Variants in AMY2B observed in about 807,000 individuals in gnomAD.
AMY2B encodes amylase alpha 2B.
A neutral mutation model predicts 59.3 loss-of-function variants in AMY2B; 63 were observed. That is an observed-to-expected ratio of 1.06 (90% CI 0.87 to 1.31). AMY2B has a LOEUF of 1.31. Among genes scored for constraint, AMY2B ranks in the 50% most tolerant of loss-of-function variants. The probability of loss-of-function intolerance (pLI) is 0.00; values close to 1 mark genes in which losing one functional copy is unlikely to be tolerated. For synonymous variants in AMY2B, 180 were observed against 198.1 expected, an observed-to-expected ratio of 0.91 and a Z score of 0.77; for missense variants, 635 against 626.7, an observed-to-expected ratio of 1.01 and a Z score of -0.14.
intron 9 of AMY2B, among the ~76,000 whole-genome samples, chr1:103,578,274 T>C (rs556033532): frequency 2.7e-4 from 41 of 152,242 alleles, no homozygotes; most frequent in Non-Finnish European, 5.7e-4. Context: ...ATGACTGCTC[T>C]ATGTAGTTTT....
chr1:103,562,713 G>A (rs1212334206), intron 1 of AMY2B, among the ~76,000 whole-genome samples: 1 of 113,346 alleles, frequency 8.8e-6, no homozygotes, highest in East Asian at 2.7e-4. Flanking sequence ...TCATTTGCAT[G>A]TTAAAAAACT....
Position 103,573,744 on chromosome 1 carries a change from G to A in AMY2B, c.550G>A (p.Ala184Thr), listed in dbSNP as rs1174736412. 1.2e-6 allele frequency: 2 copies of A among 1,613,644 alleles called. No individual in the cohort carries two copies. Among genetic ancestry groups the A allele is most frequent in the African/African-American group, 1.3e-5 (1 of 74,898 alleles). ...DCRLVGLLDL[A>T]LEKDYVRSKI... ...TCGTCTGGTTGGTCTTCTTGATCTT[G>A]CACTGGAGAAAGATTATGTGCGTTC... is the stretch of plus-strand genomic sequence containing the variant. The change falls in exon 4 of 10, where the codon GCA becomes ACA. Residue 184 changes from alanine to threonine, a missense_variant. By Grantham distance (58) the Ala-to-Thr change is moderately conservative. Transcript: ENST00000684275.
chr1:103,574,375 A>G lies in AMY2B; in HGVS notation c.860A>G (p.Glu287Gly), dbSNP rs372593038. 1.2e-6 allele frequency: 2 copies of G among 1,611,690 alleles called. No homozygotes were observed. The highest frequency in any genetic ancestry group is 2.7e-5 in the African/African-American group (2 of 74,984). The change falls in exon 5 of 10, where the codon GAG becomes GGG. Residue 287 changes from glutamate (E) to glycine (G), a missense_variant. Transcript: ENST00000684275. The stretch of plus-strand genomic sequence containing the variant: ...ACAGTTATTCGCAAGTGGAATGGAG[A>G]GAAGATGTCTTACCTAAAGTAAATA... ...LGTVIRKWNGEKMSYLKNWGE... is the reference protein window; with the variant it reads ...LGTVIRKWNGGKMSYLKNWGE...
At chr1:103,563,287 G>A (rs1651796091) in intron 1 of AMY2B, among the ~76,000 whole-genome samples, 1 of 152,026 alleles carries the variant, frequency 6.6e-6, no homozygotes, top group African/African-American at 2.4e-5. Flanking sequence ...TTAGAGTAAA[G>A]GGAAGTTTTC....
chr1:103,567,820 C>T (rs1056460896), upstream of AMY2B, among the ~76,000 whole-genome samples: 1 of 152,144 alleles, frequency 6.6e-6, no homozygotes, highest in Non-Finnish European at 1.5e-5. Flanking sequence ...GTGCTCTAGC[C>T]ACACTGATTT....
At chr1:103,577,644 A>G in intron 8 of AMY2B, 36 bp downstream of exon 8, 1 of 1,611,920 alleles carries the variant, frequency 6.2e-7, no homozygotes, top group African/African-American at 1.3e-5. Context: ...CTCTAATAGT[A>G]AACTTTCCAT....
At chr1:103,576,487 T>G (rs1652359141) in intron 7 of AMY2B, among the ~76,000 whole-genome samples, 1 of 152,176 alleles carries the variant, frequency 6.6e-6, no homozygotes, top group Admixed American at 6.5e-5. Flanking sequence ...TTTCCAGGAC[T>G]GCTGCATGCT....
intron 7 of AMY2B, among the ~76,000 whole-genome samples, chr1:103,576,449 A>G (rs1652357306): frequency 6.6e-6 from 1 of 152,074 alleles, no homozygotes; most frequent in Admixed American, 6.6e-5. Context: ...GAGTATTTTT[A>G]TTTTTTCTAT....
At chr1:103,573,311 C>A (rs771352005) in intron 3 of AMY2B, 51 bp downstream of exon 3, 1 of 1,611,068 alleles carries the variant, frequency 6.2e-7, no homozygotes, top group Non-Finnish European at 8.5e-7. Flanking sequence ...TATGCCTTTT[C>A]TTGTAGACAT....
chr1:103,574,452 C>T, intron 5 of AMY2B, 59 bp downstream of exon 5: 5 of 1,605,896 alleles, frequency 3.1e-6, no homozygotes, highest in Non-Finnish European at 3.4e-6. Context: ...CATAGTACCC[C>T]AGTGTGAGTT....
chr1:103,569,396 T>TTGTGTGTGTGTGTGTGTG (rs58457409), upstream of AMY2B: 1 of 150,682 alleles, frequency 6.6e-6, no homozygotes, highest in South Asian at 1.8e-4. Context: ...TTATGTGGGT[T>TTGTGTGTGTGTGTGTGTG]TGTGTGTGTG....
chr1:103,579,004 A>G (rs949459675), intron 9 of AMY2B, among the ~76,000 whole-genome samples: 1 of 152,156 alleles, frequency 6.6e-6, no homozygotes, highest in African/African-American at 2.4e-5. Flanking sequence ...GTTGAGAACA[A>G]ATTTGATTTT....
chr1:103,577,666 TA>T (rs1652414645), intron 8 of AMY2B, 53 bp from the exon 9 acceptor site: 1 of 1,611,844 alleles, frequency 6.2e-7, no homozygotes, highest in Non-Finnish European at 8.5e-7. Context: ...GCATTTTATT[TA>T]AAACAGTTGA....
chr1:103,556,240 C>T (rs1651544187), intron 1 of AMY2B, among the ~76,000 whole-genome samples: 1 of 152,056 alleles, frequency 6.6e-6, no homozygotes, highest in Non-Finnish European at 1.5e-5. Flanking sequence ...TGTTTTTCTC[C>T]AGTTGAGTTC....
chr1:103,558,408 A>G (rs1460516585), intron 1 of AMY2B, among the ~76,000 whole-genome samples: 4 of 152,162 alleles, frequency 2.6e-5, no homozygotes, highest in Admixed American at 6.5e-5. Flanking sequence ...TCATATTTCC[A>G]TTAGGATGTA....
intron 1 of AMY2B, among the ~76,000 whole-genome samples, chr1:103,560,935 C>G (rs1183468522): frequency 6.6e-6 from 1 of 151,998 alleles, no homozygotes; most frequent in Non-Finnish European, 1.5e-5. Flanking sequence ...GAAATTCAGT[C>G]CCAACATGTA....
upstream of AMY2B, chr1:103,570,933 T>A (rs1450234367): frequency 3.1e-5 from 11 of 350,386 alleles, no homozygotes; most frequent in African/African-American, 8.6e-5. Flanking sequence ...ACATGTGGCT[T>A]GGTCACTTCA....
At chr1:103,571,829 C>G (rs1172630710) in intron 1 of AMY2B, 59 bp downstream of exon 1, 1 of 1,611,626 alleles carries the variant, frequency 6.2e-7, no homozygotes, top group Non-Finnish European at 8.5e-7. Flanking sequence ...AAATAGTATT[C>G]TGATCTTATC....
chr1:103,570,131 C>A (rs984654609), upstream of AMY2B: 1 of 445,828 alleles, frequency 2.2e-6, no homozygotes, highest in Non-Finnish European at 4.5e-6. Context: ...AAGATCCTTA[C>A]CAAGGTTGGC....
Sources: gnomAD v4.1 joint callset for allele counts (sites outside exome capture counted in the v4.1 genomes callset) on GRCh38, gnomAD v4.1.1 for gene constraint, MANE v1.5 for transcripts, NCBI Gene and HGNC (gene_info 2026-07-23, HGNC 2026-07-21) for gene names.